Variants in C8orf34 observed in about 807,000 individuals in gnomAD.
C8orf34 encodes chromosome 8 open reading frame 34.
Under a neutral mutation model 68.3 loss-of-function variants are expected in C8orf34, and 65 were observed. That is an observed-to-expected ratio of 0.95 (90% CI 0.78 to 1.17). C8orf34 has a LOEUF of 1.17. Ranked by LOEUF, C8orf34 falls within the 50% of genes most tolerant of loss-of-function variation. The pLI is 0.00. For missense variants in C8orf34, 664 were observed against 655.4 expected (o/e 1.01, Z -0.14); for synonymous variants, 244 against 241.2 (o/e 1.01, Z -0.11).
chr8:68,534,424 A>C, intron 7 of C8orf34: 1 of 794,466 alleles, frequency 1.3e-6, no homozygotes, highest in Non-Finnish European at 1.5e-6. Flanking sequence ...AAATAAAATC[A>C]TTGTGATCTG....
intron 7 of C8orf34, among the ~76,000 whole-genome samples, chr8:68,592,544 T>A (rs1415392235): frequency 6.6e-6 from 1 of 151,856 alleles, no homozygotes; most frequent in Admixed American, 6.6e-5. Flanking sequence ...TTCTGTTAGT[T>A]TTTTTCTGTA....
At position 68,521,868 on chromosome 8, in the gene C8orf34, A is replaced by C; in HGVS notation, c.835A>C (p.Asn279His). 1 of 1,614,106 alleles carries C rather than the reference A, an allele frequency of 6.2e-7. No homozygotes were observed. Among genetic ancestry groups the C allele is most frequent in the South Asian group, 1.1e-5 (1 of 91,084 alleles). ...TGGAGAATGGATTGGTAGAGAAGAA[A>C]ATGATGCTGATCCCCTAGCTGCTGA... ...VIGEWIGREENDADPLAAEML... is the reference protein window; with the variant it reads ...VIGEWIGREEHDADPLAAEML... Residue 279 changes from asparagine (N) to histidine (H), a missense_variant, in exon 6 of 14, where the codon AAT becomes CAT. Asn to His is a moderately conservative substitution (Grantham distance 68). Transcript: ENST00000518698.
At chr8:68,721,282 C>T in intron 9 of C8orf34, 79 bp from the exon 10 acceptor site, 1 of 900,672 alleles carries the variant, frequency 1.1e-6, no homozygotes, top group Non-Finnish European at 1.7e-6. Context: ...TTTTATTCTT[C>T]TCACAACAGG....
chr8:68,592,593 C>CTTTTTTTTTTTTTTTTTTTATTT (rs1444802100), intron 7 of C8orf34, among the ~76,000 whole-genome samples: 1 of 116,802 alleles, frequency 8.6e-6, no homozygotes. Context: ...CAATTTATCT[C>CTTTTTTTTTTTTTTTTTTTATTT]TTCTTTTTTT....
chr8:68,725,825 T>G (rs889847737), intron 10 of C8orf34, among the ~76,000 whole-genome samples: 3 of 152,262 alleles, frequency 2.0e-5, no homozygotes, highest in African/African-American at 7.2e-5. Flanking sequence ...ATTTAGGCAC[T>G]GAGTCACTGT....
intron 7 of C8orf34, among the ~76,000 whole-genome samples, chr8:68,627,722 T>G (rs1223401276): frequency 6.6e-6 from 1 of 152,216 alleles, no homozygotes; most frequent in Non-Finnish European, 1.5e-5. Context: ...GTCTTTATTT[T>G]TCTAACAGAA....
At chr8:68,732,939 C>G (rs1462568588) in intron 10 of C8orf34, among the ~76,000 whole-genome samples, 2 of 152,152 alleles carry the variant, frequency 1.3e-5, no homozygotes, top group Non-Finnish European at 2.9e-5. Flanking sequence ...TGGCAGGCAC[C>G]TGTAACCCCA....
At chr8:68,770,234 A>G (rs1316294243) in intron 10 of C8orf34, among the ~76,000 whole-genome samples, 1 of 152,242 alleles carries the variant, frequency 6.6e-6, no homozygotes, top group East Asian at 1.9e-4. Flanking sequence ...TCAATACCTC[A>G]TAGCTAAAGA....
intron 6 of C8orf34, among the ~76,000 whole-genome samples, chr8:68,530,278 G>A (rs1815187221): frequency 6.6e-6 from 1 of 151,924 alleles, no homozygotes; most frequent in South Asian, 2.1e-4. Flanking sequence ...TAACAAAACT[G>A]AGGAAAAGAA....
intron 1 of C8orf34, among the ~76,000 whole-genome samples, chr8:68,360,462 A>T (rs147973867): frequency 6.6e-6 from 1 of 152,340 alleles, no homozygotes; most frequent in African/African-American, 2.4e-5. Context: ...AGTTCATGTA[A>T]ATTTTAAAGA....
chr8:68,798,375 C>T (rs1440323748), intron 12 of C8orf34, among the ~76,000 whole-genome samples: 4 of 149,838 alleles, frequency 2.7e-5, no homozygotes, highest in Non-Finnish European at 5.9e-5. Context: ...CAGCTCACTG[C>T]AGCCTGGACC....
At chr8:68,534,698 T>C (rs1815388564) in intron 7 of C8orf34, 2 of 985,384 alleles carry the variant, frequency 2.0e-6, no homozygotes, top group East Asian at 2.3e-4. Context: ...TTGTGCTCCA[T>C]AACTATACCT....
At chr8:68,625,825 A>T (rs1457885191) in intron 7 of C8orf34, among the ~76,000 whole-genome samples, 1 of 152,212 alleles carries the variant, frequency 6.6e-6, no homozygotes, top group Admixed American at 6.6e-5. Flanking sequence ...GCTGAGCATG[A>T]GATAGAAATA....
At chr8:68,400,483 CA>C (rs2129621228) in intron 1 of C8orf34, among the ~76,000 whole-genome samples, 1 of 152,206 alleles carries the variant, frequency 6.6e-6, no homozygotes, top group South Asian at 2.1e-4. Flanking sequence ...TCAGCTTTGT[CA>C]AAAATTAGTT....
At chr8:68,400,033 G>A (rs1473840482) in intron 1 of C8orf34, among the ~76,000 whole-genome samples, 2 of 152,000 alleles carry the variant, frequency 1.3e-5, no homozygotes, top group African/African-American at 2.4e-5. Flanking sequence ...TTGCGGTTGA[G>A]TTGCTTGAGT....
chr8:68,773,774 T>A (rs4571719), intron 10 of C8orf34, among the ~76,000 whole-genome samples: 127 of 152,282 alleles, frequency 8.3e-4, no homozygotes, highest in Non-Finnish European at 1.5e-3. Flanking sequence ...AAACTCCCGT[T>A]GTATGGCCCT....
chr8:68,705,418 A>C (rs1821133914), intron 8 of C8orf34, among the ~76,000 whole-genome samples: 1 of 152,134 alleles, frequency 6.6e-6, no homozygotes. Context: ...TATGCAGGAG[A>C]GAGAAGGGCC....
At position 68,331,004 on chromosome 8, in the gene C8orf34, A is replaced by T; in HGVS notation, c.-9A>T. On this transcript the variant is annotated 5_prime_UTR_variant, in exon 1 of 14. Transcript: ENST00000518698. ...GGCGAGGGTGGGCGCGAGGCGGAGAACGCGATGAATGAGTTCTCCCCTCGC... is the reference window on the plus strand; with the variant it reads ...GGCGAGGGTGGGCGCGAGGCGGAGATCGCGATGAATGAGTTCTCCCCTCGC... The T allele has an allele frequency of 7.1e-7, 1 of 1,400,248 alleles. No individual in the cohort carries two copies. The highest frequency in any genetic ancestry group is 9.2e-7 in the Non-Finnish European group (1 of 1,088,150). The allele number at this position is 1,400,248 out of a possible 1,614,324, so 86.7% of individuals were successfully genotyped here.
intron 10 of C8orf34, among the ~76,000 whole-genome samples, chr8:68,766,273 AC>A (rs1258483577): frequency 1.3e-5 from 2 of 152,186 alleles, no homozygotes; most frequent in Non-Finnish European, 2.9e-5. Flanking sequence ...GAGGTTGGTC[AC>A]CTTAGCCGTT....
Sources: allele counts gnomAD v4.1 joint callset (sites outside exome capture counted in the v4.1 genomes callset), GRCh38; gene constraint gnomAD v4.1.1; transcripts MANE v1.5; gene names NCBI Gene and HGNC (gene_info 2026-07-23, HGNC 2026-07-21).